The following CCDC85A variants were observed in gnomAD, a reference collection of about 807,000 sequenced individuals.
CCDC85A encodes coiled-coil domain-containing protein 85A.
A neutral mutation model predicts 50.2 loss-of-function variants in CCDC85A; 38 were observed. The ratio of observed to expected loss-of-function variants is 0.76; its 90% CI spans 0.58 to 0.99. CCDC85A has a LOEUF of 0.99. Among genes scored for constraint, CCDC85A ranks in the 50% least tolerant of loss-of-function variants. The pLI, the probability that CCDC85A is intolerant of heterozygous loss-of-function variation, is 0.00. For synonymous variants in CCDC85A, 366 were observed against 301.4 expected (o/e 1.21, Z -2.22); for missense variants, 820 against 742.0 (o/e 1.11, Z -1.22).
At chr2:56,219,592 C>T (rs990926100) in intron 2 of CCDC85A, among the ~76,000 whole-genome samples, 3 of 151,728 alleles carry the variant, frequency 2.0e-5, no homozygotes, top group Non-Finnish European at 4.4e-5. Context: ...TCTAGAATGC[C>T]CTCCTTCCCA....
Position 56,323,712 on chromosome 2 carries a change from A to C in CCDC85A, c.1241-19167A>C, listed in dbSNP as rs143930856. Among the ~76,000 whole-genome samples, 1,492 of 152,166 alleles carry C rather than the reference A, an allele frequency of 9.8e-3. 24 individuals carry two copies. The highest frequency in any genetic ancestry group is 0.034 in the African/African-American group (1,398 of 41,532). ...CAAAAGGCTGATTGACTGTTACTAG[A>C]ACAGGATTGAGGAGCTGTAGCTTCA... On this transcript the variant is annotated intron_variant, in intron 2 of 5. Coordinates refer to ENST00000407595, the MANE Select transcript of CCDC85A (RefSeq NM_001080433.2).
chr2:56,255,293 C>G (rs1669933788), intron 2 of CCDC85A, among the ~76,000 whole-genome samples: 2 of 152,108 alleles, frequency 1.3e-5, no homozygotes, highest in South Asian at 4.1e-4. Context: ...AGTGACTATG[C>G]AAATAATGTC....
At chr2:56,243,295 C>A (rs1669346942) in intron 2 of CCDC85A, among the ~76,000 whole-genome samples, 1 of 152,026 alleles carries the variant, frequency 6.6e-6, no homozygotes. Flanking sequence ...AGCTATTTTC[C>A]AGATGTTGTA....
At chr2:56,220,649 C>T (rs997043185) in intron 2 of CCDC85A, among the ~76,000 whole-genome samples, 1 of 151,980 alleles carries the variant, frequency 6.6e-6, no homozygotes, top group Admixed American at 6.6e-5. Context: ...TTCATTATTT[C>T]TTCTCAGTAG....
Position 56,372,413 on chromosome 2 carries a change from G to C in CCDC85A, c.1387G>C (p.Ala463Pro), listed in dbSNP as rs1323313861. 1 of 1,607,202 alleles carries C rather than the reference G, an allele frequency of 6.2e-7. No homozygotes were observed. The highest frequency in any genetic ancestry group is 1.7e-5 in the Admixed American group (1 of 59,186). Residue 463 changes from alanine to proline, a missense_variant, in exon 4 of 6, where the codon GCC (alanine) becomes CCC (proline). Physicochemically the swap from Ala to Pro is conservative, Grantham distance 27. Transcript: ENST00000407595. ...TATGGAGAAAGGCTGGGGGTCCAGA[G>C]CCCGGCGGGTCTTGCAGTGGTGGCA... ...SNMEKGWGSRARRVLQWWQGC... is the reference protein window; with the variant it reads ...SNMEKGWGSRPRRVLQWWQGC...
chr2:56,282,103 C>T (rs72927159), intron 2 of CCDC85A, among the ~76,000 whole-genome samples: 13,148 of 151,908 alleles, frequency 0.087, 1,860 homozygotes, highest in African/African-American at 0.3. Flanking sequence ...TTATTAGTTC[C>T]TAACATGTGA....
intron 2 of CCDC85A, among the ~76,000 whole-genome samples, chr2:56,270,796 G>A (rs912338995): frequency 6.6e-6 from 1 of 152,276 alleles, no homozygotes; most frequent in African/African-American, 2.4e-5. Context: ...GGAACTCAAG[G>A]CAGACAGGGT....
At chr2:56,335,485 T>C (rs1379441774) in intron 2 of CCDC85A, among the ~76,000 whole-genome samples, 3 of 152,184 alleles carry the variant, frequency 2.0e-5, no homozygotes, top group African/African-American at 7.2e-5. Flanking sequence ...CAGAAATTTA[T>C]TAGCTCACAG....
intron 2 of CCDC85A, among the ~76,000 whole-genome samples, chr2:56,258,897 T>TC (rs1670099807): frequency 6.6e-6 from 1 of 152,252 alleles, no homozygotes; most frequent in African/African-American, 2.4e-5. Flanking sequence ...TGGAATGAAG[T>TC]CCTCTGCTGA....
chr2:56,253,828 G>A (rs1378728349), intron 2 of CCDC85A, among the ~76,000 whole-genome samples: 1 of 152,144 alleles, frequency 6.6e-6, no homozygotes, highest in East Asian at 1.9e-4. Flanking sequence ...GAATGGGGAT[G>A]CCAGTTGCTG....
In CCDC85A at chr2:56,355,042, A is replaced by G. The variant is rs115535479; in HGVS notation, c.1317+12087A>G. 6.0e-3 allele frequency among the ~76,000 whole-genome samples: 917 copies of G among 152,278 alleles called. 8 individuals are homozygous for G. The highest frequency in any genetic ancestry group is 0.021 in the African/African-American group (873 of 41,560). ...TTTGGGAGCTGTTCCCCCATCAGGT[A>G]TACAAGCCTTCACCTACTGTCTTAA... On this transcript the variant is annotated intron_variant, in intron 3 of 5. Coordinates refer to ENST00000407595, the MANE Select transcript of CCDC85A (RefSeq NM_001080433.2).
intron 2 of CCDC85A, among the ~76,000 whole-genome samples, chr2:56,283,831 T>G (rs1169255478): frequency 6.6e-6 from 1 of 152,172 alleles, no homozygotes; most frequent in Non-Finnish European, 1.5e-5. Context: ...GAACAAACTT[T>G]AGCTTTGTTA....
At chr2:56,309,924 G>T (rs536377915) in intron 2 of CCDC85A, among the ~76,000 whole-genome samples, 1 of 152,174 alleles carries the variant, frequency 6.6e-6, no homozygotes, top group South Asian at 2.1e-4. Context: ...TGTGCACTTT[G>T]CCCGAGAGAG....
intron 2 of CCDC85A, among the ~76,000 whole-genome samples, chr2:56,226,533 C>T (rs1212916444): frequency 6.6e-6 from 1 of 151,980 alleles, no homozygotes; most frequent in East Asian, 1.9e-4. Context: ...TTTTAAACCT[C>T]CTTTCAACTA....
intron 2 of CCDC85A, among the ~76,000 whole-genome samples, chr2:56,326,448 G>T (rs1254086006): frequency 6.6e-6 from 1 of 152,022 alleles, no homozygotes; most frequent in East Asian, 1.9e-4. Flanking sequence ...ATTTAGTGAA[G>T]AAAAAATGAT....
At chr2:56,306,660 C>T (rs1245375028) in intron 2 of CCDC85A, among the ~76,000 whole-genome samples, 4 of 152,094 alleles carry the variant, frequency 2.6e-5, no homozygotes, top group Admixed American at 6.6e-5. Context: ...ATGCAATTAA[C>T]GACCCATACT....
chr2:56,300,586 G>A (rs746255615), intron 2 of CCDC85A, among the ~76,000 whole-genome samples: 7 of 152,176 alleles, frequency 4.6e-5, no homozygotes, highest in Non-Finnish European at 1.0e-4. Flanking sequence ...CAGAAAACAT[G>A]AATGCCCTTG....
chr2:56,371,970 C>A (rs1676097093), intron 3 of CCDC85A, among the ~76,000 whole-genome samples: 2 of 152,072 alleles, frequency 1.3e-5, no homozygotes, highest in Admixed American at 1.3e-4. Flanking sequence ...TTGTTAAGTT[C>A]TGAAGTTATG....
chr2:56,262,312 C>T (rs1307973265), intron 2 of CCDC85A, among the ~76,000 whole-genome samples: 1 of 152,042 alleles, frequency 6.6e-6, no homozygotes, highest in Non-Finnish European at 1.5e-5. Flanking sequence ...AATAGGAGTG[C>T]ATCAGATGTT....
Sources: gnomAD v4.1 joint callset for allele counts (sites outside exome capture counted in the v4.1 genomes callset) on GRCh38, gnomAD v4.1.1 for gene constraint, MANE v1.5 for transcripts, NCBI Gene and HGNC (gene_info 2026-07-23, HGNC 2026-07-21) for gene names.